RPS6KC1: variants seen among roughly 807,000 people sequenced by gnomAD.
The protein encoded by RPS6KC1 is inactive ribosomal protein S6 kinase delta-1.
Under a neutral mutation model 103.8 loss-of-function variants are expected in RPS6KC1, and 54 were observed. That is an observed-to-expected ratio of 0.52 (90% confidence interval 0.42 to 0.65). The LOEUF is 0.65. Ranked by LOEUF, RPS6KC1 falls within the 30% of genes least tolerant of loss-of-function variation. The pLI, the probability that RPS6KC1 is intolerant of heterozygous loss-of-function variation, is 0.00. For missense variants in RPS6KC1, 1,151 were observed against 1,253.8 expected (o/e 0.92, Z 1.24); for synonymous variants, 439 against 438.7 (o/e 1.00, Z -0.01).
At chr1:213,181,977 T>C (rs993780386) in intron 8 of RPS6KC1, among the ~76,000 whole-genome samples, 12 of 152,184 alleles carry the variant, frequency 7.9e-5, no homozygotes, top group African/African-American at 2.9e-4. Flanking sequence ...CTTTTATGGT[T>C]GAAGCAAAAA....
the RPS6KC1 span, among the ~76,000 whole-genome samples, chr1:213,468,422 A>C: frequency 6.6e-6 from 1 of 152,098 alleles, no homozygotes; most frequent in African/African-American, 2.4e-5. Context: ...CCACCTTGCA[A>C]CTCACTTCAA....
intron 6 of RPS6KC1, among the ~76,000 whole-genome samples, chr1:213,136,671 A>G (rs969234318): frequency 5.3e-5 from 8 of 152,118 alleles, no homozygotes; most frequent in African/African-American, 1.7e-4. Context: ...GAAGTATATT[A>G]TATATACAGA....
chr1:213,325,105 A>C, the RPS6KC1 span, among the ~76,000 whole-genome samples: 1 of 152,198 alleles, frequency 6.6e-6, no homozygotes, highest in African/African-American at 2.4e-5. Flanking sequence ...TGTTGGGGGC[A>C]GAGCTGTTGA....
chr1:213,343,797 TA>T, the RPS6KC1 span, among the ~76,000 whole-genome samples: 1 of 150,966 alleles, frequency 6.6e-6, no homozygotes, highest in African/African-American at 2.4e-5. Context: ...CCTACTGAAA[TA>T]AATACAAAAT....
At chr1:213,796,495 T>A in the RPS6KC1 span, among the ~76,000 whole-genome samples, 1 of 152,258 alleles carries the variant, frequency 6.6e-6, no homozygotes, top group Non-Finnish European at 1.5e-5. Context: ...GAAGAAGCCC[T>A]CAGTCAGCAC....
At chr1:213,380,693 C>T in the RPS6KC1 span, among the ~76,000 whole-genome samples, 2 of 152,134 alleles carry the variant, frequency 1.3e-5, no homozygotes, top group South Asian at 4.2e-4. Flanking sequence ...GTCAATCATT[C>T]CTTAATGTAG....
the RPS6KC1 span, among the ~76,000 whole-genome samples, chr1:213,444,584 C>A: frequency 1.3e-5 from 2 of 151,686 alleles, no homozygotes; most frequent in East Asian, 3.9e-4. Context: ...AGGCTGGTAC[C>A]CTGTCTCTAC....
chr1:213,242,098 A>G lies in RPS6KC1; in HGVS notation c.2622A>G (p.Leu874=). 1 of 1,613,968 alleles carries G rather than the reference A, an allele frequency of 6.2e-7. No homozygotes were observed. The highest frequency in any genetic ancestry group is 8.5e-7 in the Non-Finnish European group (1 of 1,179,892). Residue 874 remains leucine (L), a synonymous_variant, in exon 11 of 15, where the codon TTA becomes TTG. Transcript: ENST00000366960. ...CTGAGACTAAGGGTGAAAGTGGTTT[A>G]GTGCTAGAAGGAGACAAGGAAATAC... ...RDSETKGESG[L]VLEGDKEIHQ...
At chr1:213,720,656 C>G in the RPS6KC1 span, among the ~76,000 whole-genome samples, 1 of 152,156 alleles carries the variant, frequency 6.6e-6, no homozygotes, top group African/African-American at 2.4e-5. Flanking sequence ...TGACCCATAG[C>G]CCATAGTCAT....
chr1:213,580,110 T>TA, the RPS6KC1 span, among the ~76,000 whole-genome samples: 1 of 152,042 alleles, frequency 6.6e-6, no homozygotes, highest in Non-Finnish European at 1.5e-5. Flanking sequence ...CAAAATAAAT[T>TA]AAAAACCTCC....
chr1:213,426,468 C>T, the RPS6KC1 span, among the ~76,000 whole-genome samples: 7 of 152,134 alleles, frequency 4.6e-5, no homozygotes, highest in East Asian at 1.9e-4. Context: ...CTCCTTCCCC[C>T]GTAACTAGAG....
the RPS6KC1 span, among the ~76,000 whole-genome samples, chr1:213,293,035 GTGT>G: frequency 6.6e-6 from 1 of 152,222 alleles, no homozygotes; most frequent in East Asian, 1.9e-4. Context: ...GTGTATGTGT[GTGT>G]TGTTGTTTGA....
At chr1:213,606,623 T>C in the RPS6KC1 span, among the ~76,000 whole-genome samples, 6 of 152,308 alleles carry the variant, frequency 3.9e-5, no homozygotes, top group Non-Finnish European at 7.3e-5. Flanking sequence ...ATTGTGCCAA[T>C]AAGTTTCAAG....
intron 6 of RPS6KC1, among the ~76,000 whole-genome samples, chr1:213,148,744 A>G (rs2147861569): frequency 6.6e-6 from 1 of 152,288 alleles, no homozygotes; most frequent in Non-Finnish European, 1.5e-5. Context: ...TAGTTTGAGT[A>G]GGATTGGTAT....
intron 2 of RPS6KC1, among the ~76,000 whole-genome samples, chr1:213,076,503 C>T (rs928515435): frequency 6.6e-6 from 1 of 152,066 alleles, no homozygotes. Context: ...TCAGAAGACC[C>T]CAGTATCTGA....
the RPS6KC1 span, among the ~76,000 whole-genome samples, chr1:213,453,139 A>G: frequency 4.6e-5 from 7 of 152,188 alleles, no homozygotes; most frequent in African/African-American, 1.7e-4. Context: ...GCATCTGGGT[A>G]TACTTCGGTA....
At chr1:213,743,986 G>A in the RPS6KC1 span, among the ~76,000 whole-genome samples, 3 of 152,202 alleles carry the variant, frequency 2.0e-5, no homozygotes, top group Non-Finnish European at 4.4e-5. Flanking sequence ...CTGCAATCTG[G>A]ATGGAGTTAG....
the RPS6KC1 span, among the ~76,000 whole-genome samples, chr1:213,468,458 C>G: frequency 2.6e-5 from 4 of 152,190 alleles, no homozygotes; most frequent in African/African-American, 9.7e-5. Flanking sequence ...GAAGGACTCT[C>G]AGGCTCATTC....
intron 3 of RPS6KC1, among the ~76,000 whole-genome samples, chr1:213,101,218 T>C (rs2081994161): frequency 6.6e-6 from 1 of 152,210 alleles, no homozygotes; most frequent in Non-Finnish European, 1.5e-5. Context: ...TGGCTGCTTG[T>C]ATGTCTTCTT....
Sources: allele counts gnomAD v4.1 joint callset (sites outside exome capture counted in the v4.1 genomes callset), GRCh38; gene constraint gnomAD v4.1.1; transcripts MANE v1.5; gene names NCBI Gene and HGNC (gene_info 2026-07-23, HGNC 2026-07-21).